Variants in TASP1 observed in about 807,000 individuals in gnomAD.
TASP1 encodes the protein threonine aspartase 1.
In TASP1, 16 loss-of-function variants were observed where a neutral mutation model predicts 56.6. The ratio of observed to expected loss-of-function variants is 0.28; its 90% CI spans 0.19 to 0.43. The LOEUF is 0.43. Ranked by LOEUF, TASP1 falls within the 20% of genes least tolerant of loss-of-function variation. The pLI, the probability that TASP1 is intolerant of heterozygous loss-of-function variation, is 1.00. For missense variants in TASP1, 393 were observed against 511.6 expected (o/e 0.77, Z 2.24); for synonymous variants, 179 against 184.2 (o/e 0.97, Z 0.23).
chr20:13,143,450 ATCCTTGTCATGAT>A, the TASP1 span, among the ~76,000 whole-genome samples: 1 of 152,198 alleles, frequency 6.6e-6, no homozygotes, highest in African/African-American at 2.4e-5. Context: ...TATTATTATT[ATCCTTGTCATGAT>A]TCCCATTTTA....
At chr20:13,118,915 T>C in the TASP1 span, among the ~76,000 whole-genome samples, 1 of 152,244 alleles carries the variant, frequency 6.6e-6, no homozygotes, top group Non-Finnish European at 1.5e-5. Context: ...GAGTTTTAAG[T>C]GGCCTTTACC....
chr20:13,327,099 G>T, the TASP1 span, among the ~76,000 whole-genome samples: 1 of 152,108 alleles, frequency 6.6e-6, no homozygotes, highest in South Asian at 2.1e-4. Flanking sequence ...AAGCTGATAA[G>T]CAACTTCAGC....
chr20:13,280,566 C>T, the TASP1 span, among the ~76,000 whole-genome samples: 1 of 152,294 alleles, frequency 6.6e-6, no homozygotes, highest in East Asian at 1.9e-4. Context: ...TTCAGGGATC[C>T]AGCCTCCTCC....
intron 4 of TASP1, among the ~76,000 whole-genome samples, chr20:13,621,300 G>A (rs1264038136): frequency 6.6e-6 from 1 of 151,970 alleles, no homozygotes; most frequent in Non-Finnish European, 1.5e-5. Context: ...GTGTGGTGGT[G>A]CATGCCTGTA....
At chr20:13,425,416 A>G (rs1010624159) in intron 12 of TASP1, among the ~76,000 whole-genome samples, 1 of 152,192 alleles carries the variant, frequency 6.6e-6, no homozygotes, top group African/African-American at 2.4e-5. Context: ...TCTGACCAGA[A>G]AGAAGTCATC....
chr20:13,140,135 G>A, the TASP1 span, among the ~76,000 whole-genome samples: 1 of 152,178 alleles, frequency 6.6e-6, no homozygotes, highest in Non-Finnish European at 1.5e-5. Context: ...TGCCAGAGGA[G>A]GGGAGAATGT....
chr20:13,437,354 T>C (rs1039356901), intron 11 of TASP1, among the ~76,000 whole-genome samples: 2 of 152,188 alleles, frequency 1.3e-5, no homozygotes, highest in East Asian at 3.9e-4. Context: ...TGATGGGACG[T>C]ATCTCAAAAT....
chr20:13,354,603 A>C, the TASP1 span, among the ~76,000 whole-genome samples: 1 of 152,258 alleles, frequency 6.6e-6, no homozygotes, highest in Non-Finnish European at 1.5e-5. Context: ...ATTGCCTCTC[A>C]TGTGATCTTT....
chr20:13,292,237 T>A, the TASP1 span: 1 of 620,102 alleles, frequency 1.6e-6, no homozygotes. Context: ...GTTTCCTCTG[T>A]TGGCAAGTTT....
intron 10 of TASP1, among the ~76,000 whole-genome samples, chr20:13,503,678 C>T (rs893188985): frequency 6.6e-6 from 1 of 151,814 alleles, no homozygotes; most frequent in Admixed American, 6.6e-5. Context: ...TTTTGGGAAG[C>T]TCAGCAAGCT....
intron 10 of TASP1, among the ~76,000 whole-genome samples, chr20:13,496,937 A>G (rs2043753199): frequency 6.6e-6 from 1 of 152,202 alleles, no homozygotes; most frequent in East Asian, 1.9e-4. Flanking sequence ...TTCTATTCCT[A>G]AGGAAGCAGT....
rs186646961 is a variant in TASP1 at position 13,426,397 on chromosome 20, A to C, written c.1096+8647T>G. Among the ~76,000 whole-genome samples, 6 of 152,294 alleles carry C rather than the reference A, an allele frequency of 3.9e-5. No individual in the cohort carries two copies. In the South Asian group the frequency reaches 6.2e-4, roughly 16 times the overall value. ...TAGAATTCTATTCATAAATTTTTGT[A>C]TTCTATATTTCAGATGGAAAACTTT... is the stretch of plus-strand genomic sequence containing the variant. On this transcript the variant is annotated intron_variant, in intron 12 of 13. Coordinates refer to ENST00000337743, the MANE Select transcript of TASP1 (RefSeq NM_017714.3).
At chr20:13,160,953 A>AAGC in the TASP1 span, among the ~76,000 whole-genome samples, 1 of 152,216 alleles carries the variant, frequency 6.6e-6, no homozygotes, top group Non-Finnish European at 1.5e-5. Context: ...CAAGACTTCC[A>AAGC]ATCAGTGGAG....
At chr20:13,627,607 C>T (rs1221454060) in intron 2 of TASP1, among the ~76,000 whole-genome samples, 2 of 151,772 alleles carry the variant, frequency 1.3e-5, no homozygotes, top group African/African-American at 2.4e-5. Flanking sequence ...AAAAATTAGC[C>T]GGGCATGGTG....
chr20:13,203,516 G>A, the TASP1 span, among the ~76,000 whole-genome samples: 43 of 152,292 alleles, frequency 2.8e-4, no homozygotes. Flanking sequence ...AACAGTCACA[G>A]TGCACTTGAA....
the TASP1 span, among the ~76,000 whole-genome samples, chr20:13,268,463 A>G: frequency 1.3e-5 from 2 of 149,668 alleles, no homozygotes; most frequent in African/African-American, 4.9e-5. Flanking sequence ...ATGTCTCAAA[A>G]TGTCAGGGCA....
At chr20:13,137,371 C>T in the TASP1 span, among the ~76,000 whole-genome samples, 1 of 152,158 alleles carries the variant, frequency 6.6e-6, no homozygotes, top group Admixed American at 6.6e-5. Flanking sequence ...TAATGGGATG[C>T]TCCTCTTTTC....
chr20:13,471,209 C>T (rs193051390), intron 11 of TASP1, among the ~76,000 whole-genome samples: 9 of 152,242 alleles, frequency 5.9e-5, no homozygotes, highest in Admixed American at 2.0e-4. Flanking sequence ...GGGAAAGCTT[C>T]TTTGAGAAAA....
At chr20:13,432,843 A>G (rs969028286) in intron 12 of TASP1, among the ~76,000 whole-genome samples, 1 of 152,186 alleles carries the variant, frequency 6.6e-6, no homozygotes, top group Non-Finnish European at 1.5e-5. Flanking sequence ...CAGGGTTAAC[A>G]CAAATGGGTA....
Sources: gnomAD v4.1 joint callset for allele counts (sites outside exome capture counted in the v4.1 genomes callset) on GRCh38, gnomAD v4.1.1 for gene constraint, MANE v1.5 for transcripts, NCBI Gene and HGNC (gene_info 2026-07-23, HGNC 2026-07-21) for gene names.